SPTSSA: variants seen among roughly 807,000 people sequenced by gnomAD.
SPTSSA encodes small subunit of serine palmitoyltransferase A.
In SPTSSA, 8 loss-of-function variants were observed where a neutral mutation model predicts 9.1. The ratio of observed to expected loss-of-function variants is 0.88; its 90% confidence interval spans 0.51 to 1.58. SPTSSA has a LOEUF of 1.58. SPTSSA is among the 40% of genes most tolerant of loss of function. SPTSSA has a pLI of 0.00. For synonymous variants in SPTSSA, 42 were observed against 37.7 expected (o/e 1.11, Z -0.41); for missense variants, 100 against 93.8 (o/e 1.07, Z -0.27).
At chr14:34,457,135 T>C (rs1260808910) in intron 1 of SPTSSA, among the ~76,000 whole-genome samples, 2 of 151,786 alleles carry the variant, frequency 1.3e-5, no homozygotes, top group Admixed American at 1.3e-4. Flanking sequence ...CCAGCCACCA[T>C]GCCCCACTAA....
chr14:34,460,362 T>C (rs1436289319), intron 1 of SPTSSA, among the ~76,000 whole-genome samples: 2 of 152,060 alleles, frequency 1.3e-5, no homozygotes. Context: ...GAAAAAAAAA[T>C]TGAAACTACT....
chr14:34,440,711 A>G (rs531349993), intron 1 of SPTSSA, among the ~76,000 whole-genome samples: 2 of 152,126 alleles, frequency 1.3e-5, no homozygotes, highest in South Asian at 4.2e-4. Flanking sequence ...GTGAAACCCC[A>G]TCTCTACTAA....
At chr14:34,448,186 G>T (rs1473476288) in intron 1 of SPTSSA, among the ~76,000 whole-genome samples, 1 of 151,988 alleles carries the variant, frequency 6.6e-6, no homozygotes, top group African/African-American at 2.4e-5. Context: ...AACTCGGGAG[G>T]TGGAGGTTGC....
chr14:34,445,939 G>A (rs1883412341), intron 1 of SPTSSA, among the ~76,000 whole-genome samples: 2 of 152,136 alleles, frequency 1.3e-5, no homozygotes, highest in Admixed American at 6.5e-5. Context: ...ATATTACTGG[G>A]AAGACAATTA....
rs184866012 is a variant in SPTSSA at position 34,434,079 on chromosome 14, G to C, written c.*1122C>G. The C allele has an allele frequency of 4.5e-3, 685 of 151,232 alleles. 3 individuals carry two copies. The highest frequency in any genetic ancestry group is 6.5e-3 in the Non-Finnish European group (443 of 67,880). 9.4% of individuals were successfully genotyped at this position (151,232 alleles called of 1,614,324 possible). ...GATAAGACATACTTACTGCTTATCT[G>C]GTCCTCCACAGAAAATAATTCAGCA... is the stretch of plus-strand genomic sequence containing the variant. On this transcript the variant is annotated 3_prime_UTR_variant, in exon 2 of 2. Coordinates refer to ENST00000298130, the MANE Select transcript of SPTSSA (RefSeq NM_138288.4).
In SPTSSA at chr14:34,433,409, A is replaced by G. The variant is rs569790955; in HGVS notation, c.*1792T>C. 1.2e-3 allele frequency: 187 copies of G among 152,298 alleles called. No individual in the cohort carries two copies. The highest frequency in any genetic ancestry group is 4.2e-3 in the African/African-American group (175 of 41,564). The allele number at this position is 152,298 out of a possible 1,614,324, so 9.4% of individuals were successfully genotyped here. A position where few individuals can be genotyped will look rare whatever the true frequency, so the allele number is the denominator to read the frequency against. ...GTTCTCTATGGGGGATAGTAGAGGA[A>G]AGCCAAATTTGGGCATTAATAGAAC... On this transcript the variant is annotated 3_prime_UTR_variant, in exon 2 of 2. Transcript: ENST00000298130.
intron 1 of SPTSSA, among the ~76,000 whole-genome samples, chr14:34,439,929 T>C (rs1594617460): frequency 1.3e-5 from 2 of 152,304 alleles, no homozygotes; most frequent in East Asian, 3.9e-4. Flanking sequence ...AGGAGCTCAG[T>C]AGTTATCTCC....
At chr14:34,446,575 T>A (rs1883426184) in intron 1 of SPTSSA, among the ~76,000 whole-genome samples, 1 of 152,190 alleles carries the variant, frequency 6.6e-6, no homozygotes, top group South Asian at 2.1e-4. Context: ...TGCCTCATAA[T>A]CAGTCAAAAA....
chr14:34,459,520 C>T (rs1878571734), intron 1 of SPTSSA, among the ~76,000 whole-genome samples: 1 of 151,704 alleles, frequency 6.6e-6, no homozygotes, highest in South Asian at 2.1e-4. Flanking sequence ...GTAGCTCATG[C>T]CTGTAATCCC....
intron 1 of SPTSSA, among the ~76,000 whole-genome samples, chr14:34,437,831 C>T (rs1244392352): frequency 6.6e-6 from 1 of 152,156 alleles, no homozygotes; most frequent in Non-Finnish European, 1.5e-5. Flanking sequence ...GTCAAGGTCT[C>T]ACTCTGTTGT....
At chr14:34,452,768 T>G (rs1363542148) in intron 1 of SPTSSA, among the ~76,000 whole-genome samples, 1 of 152,232 alleles carries the variant, frequency 6.6e-6, no homozygotes. Context: ...TTTCCCAGTC[T>G]GCTCTGAATT....
At chr14:34,440,585 A>G (rs1883300387) in intron 1 of SPTSSA, among the ~76,000 whole-genome samples, 3 of 152,214 alleles carry the variant, frequency 2.0e-5, no homozygotes, top group Admixed American at 2.0e-4. Flanking sequence ...ACTATAAATC[A>G]AGAATCTGAA....
At chr14:34,451,539 C>A (rs143847902) in intron 1 of SPTSSA, among the ~76,000 whole-genome samples, 7 of 151,750 alleles carry the variant, frequency 4.6e-5, no homozygotes, top group African/African-American at 9.7e-5. Context: ...CTGGCTAACA[C>A]GGTGAAACCC....
At chr14:34,456,093 G>A (rs1883615405) in intron 1 of SPTSSA, among the ~76,000 whole-genome samples, 1 of 152,062 alleles carries the variant, frequency 6.6e-6, no homozygotes, top group Non-Finnish European at 1.5e-5. Context: ...GGAGGCGGAG[G>A]CAGGCGGATC....
At chr14:34,457,561 C>A (rs571322804) in intron 1 of SPTSSA, among the ~76,000 whole-genome samples, 1 of 152,290 alleles carries the variant, frequency 6.6e-6, no homozygotes, top group Admixed American at 6.5e-5. Flanking sequence ...TGTCTTAATG[C>A]AGGTGTCATG....
At chr14:34,443,182 G>T (rs1298220322) in intron 1 of SPTSSA, among the ~76,000 whole-genome samples, 1 of 48,476 alleles carries the variant, frequency 2.1e-5, no homozygotes, top group Non-Finnish European at 3.4e-5. Flanking sequence ...TTTTGAGATT[G>T]AGTTTTCCTC....
intron 1 of SPTSSA, among the ~76,000 whole-genome samples, chr14:34,445,705 G>A (rs1037356523): frequency 1.2e-4 from 19 of 152,064 alleles, no homozygotes; most frequent in South Asian, 2.1e-4. Flanking sequence ...TTACATACAC[G>A]GGATTGCCAA....
In SPTSSA at chr14:34,435,159, T is replaced by C; in HGVS notation, c.*42A>G. The C allele has an allele frequency of 6.6e-7, 1 of 1,519,016 alleles. No homozygotes were observed. The highest frequency in any genetic ancestry group is 9.1e-7 in the Non-Finnish European group (1 of 1,099,006). 94.1% of individuals were successfully genotyped at this position (1,519,016 alleles called of 1,614,324 possible). ...ATGGTCTCATTCCAACTTCGTAGGG[T>C]GGGTCTTCCCCAAGGAACCTCTGAT... On this transcript the variant is annotated 3_prime_UTR_variant, in exon 2 of 2. Coordinates refer to ENST00000298130, the MANE Select transcript of SPTSSA (RefSeq NM_138288.4).
At position 34,444,567 on chromosome 14, in the gene SPTSSA, C is replaced by A. The variant is rs549136585; in HGVS notation, c.113-9263G>T. 2.0e-5 allele frequency among the ~76,000 whole-genome samples: 3 copies of A among 152,222 alleles called. No individual in the cohort carries two copies. The East Asian group carries it at 5.8e-4, about 30-fold the overall frequency. ...AACAGTTCAAGACCATCCTGGCCAACATAGTGAAACCCTGTCTCTACTGAA... is the reference window on the plus strand; with the variant it reads ...AACAGTTCAAGACCATCCTGGCCAAAATAGTGAAACCCTGTCTCTACTGAA... On this transcript the variant is annotated intron_variant, in intron 1 of 1. Transcript: ENST00000298130.
Sources: gnomAD v4.1 joint callset for allele counts (sites outside exome capture counted in the v4.1 genomes callset) on GRCh38, gnomAD v4.1.1 for gene constraint, MANE v1.5 for transcripts, NCBI Gene and HGNC (gene_info 2026-07-23, HGNC 2026-07-21) for gene names.